The following CHST9 variants were observed in gnomAD, a reference collection of about 807,000 sequenced individuals.
CHST9 encodes the protein GalNAc-4-sulfotransferase 2.
Under a neutral mutation model 44.4 loss-of-function variants are expected in CHST9, and 41 were observed. The ratio of observed to expected loss-of-function variants is 0.92; its 90% CI spans 0.72 to 1.20. The LOEUF (loss-of-function observed/expected upper bound fraction) is 1.20. CHST9 is among the 50% of genes most tolerant of loss of function. CHST9 has a pLI of 0.00. For synonymous variants in CHST9, 171 were observed against 178.4 expected (o/e 0.96, Z 0.33); for missense variants, 504 against 516.5 (o/e 0.98, Z 0.23).
chr18:27,154,331 T>TAAGC (rs759636273), intron 1 of CHST9, among the ~76,000 whole-genome samples: 1 of 152,150 alleles, frequency 6.6e-6, no homozygotes, highest in Non-Finnish European at 1.5e-5. Context: ...AAATATCATT[T>TAAGC]AAGCACATGG....
At chr18:27,106,377 A>G (rs2058221443) in intron 2 of CHST9, among the ~76,000 whole-genome samples, 1 of 152,136 alleles carries the variant, frequency 6.6e-6, no homozygotes, top group Non-Finnish European at 1.5e-5. Flanking sequence ...CTCCATTTGA[A>G]AAGTAGCTCT....
At chr18:27,039,277 A>G (rs934034003) in intron 3 of CHST9, among the ~76,000 whole-genome samples, 4 of 152,200 alleles carry the variant, frequency 2.6e-5, no homozygotes, top group African/African-American at 9.7e-5. Context: ...TCAAGTGCCC[A>G]TTGTTGCATG....
At chr18:26,946,495 C>G (rs2056165110) in intron 4 of CHST9, among the ~76,000 whole-genome samples, 1 of 152,106 alleles carries the variant, frequency 6.6e-6, no homozygotes, top group Non-Finnish European at 1.5e-5. Flanking sequence ...TCAGGTAGAC[C>G]ATTTTTGGGA....
At chr18:27,158,342 A>C (rs1230712693) in intron 1 of CHST9, among the ~76,000 whole-genome samples, 1 of 151,780 alleles carries the variant, frequency 6.6e-6, no homozygotes, top group African/African-American at 2.4e-5. Context: ...CCTATGAGTA[A>C]GAACATGCAG....
intron 5 of CHST9, among the ~76,000 whole-genome samples, chr18:26,922,245 C>T (rs2055670983): frequency 6.6e-6 from 1 of 152,132 alleles, no homozygotes; most frequent in Non-Finnish European, 1.5e-5. Flanking sequence ...CTCCTCCTTT[C>T]TTGGGACGTT....
At chr18:26,938,231 C>T (rs373666424) in intron 5 of CHST9, among the ~76,000 whole-genome samples, 2 of 152,228 alleles carry the variant, frequency 1.3e-5, no homozygotes, top group African/African-American at 2.4e-5. Context: ...AAGCCCAGCA[C>T]TTCGACATTT....
chr18:27,034,460 TAAA>T (rs910835822), intron 3 of CHST9, among the ~76,000 whole-genome samples: 1 of 152,092 alleles, frequency 6.6e-6, no homozygotes, highest in Non-Finnish European at 1.5e-5. Flanking sequence ...TCAGAGAGCT[TAAA>T]AAAAATTTCA....
chr18:26,973,335 A>T (rs939079468), intron 4 of CHST9, among the ~76,000 whole-genome samples: 1 of 152,220 alleles, frequency 6.6e-6, no homozygotes, highest in Non-Finnish European at 1.5e-5. Context: ...AATTAGGCAC[A>T]CAACAAGTGT....
intron 1 of CHST9, among the ~76,000 whole-genome samples, chr18:27,183,216 AAAG>A (rs1179308935): frequency 6.6e-6 from 1 of 152,206 alleles, no homozygotes; most frequent in African/African-American, 2.4e-5. Flanking sequence ...ATTGAAAATA[AAAG>A]AAGCAGAGCT....
At chr18:26,977,947 G>A (rs537635704) in intron 4 of CHST9, among the ~76,000 whole-genome samples, 26 of 152,222 alleles carry the variant, frequency 1.7e-4, no homozygotes, top group African/African-American at 6.0e-4. Context: ...CTCAGCAGGA[G>A]TATAGAAATA....
chr18:27,002,817 G>A (rs1429504052), intron 4 of CHST9, among the ~76,000 whole-genome samples: 2 of 152,136 alleles, frequency 1.3e-5, no homozygotes, highest in African/African-American at 4.8e-5. Flanking sequence ...ATTATGCAAT[G>A]TTAAAGTAAT....
At chr18:27,020,287 T>C (rs1195085189) in intron 4 of CHST9, among the ~76,000 whole-genome samples, 1 of 152,172 alleles carries the variant, frequency 6.6e-6, no homozygotes, top group Non-Finnish European at 1.5e-5. Flanking sequence ...GGGTTGAGGG[T>C]AGTAATGTGC....
intron 4 of CHST9, among the ~76,000 whole-genome samples, chr18:26,966,316 T>C (rs1438040718): frequency 6.6e-6 from 1 of 152,222 alleles, no homozygotes; most frequent in African/African-American, 2.4e-5. Context: ...CTCTTTTAAA[T>C]TCTTAGAAAA....
At chr18:26,973,256 TCAGA>T (rs763475561) in intron 4 of CHST9, among the ~76,000 whole-genome samples, 1 of 152,216 alleles carries the variant, frequency 6.6e-6, no homozygotes, top group Non-Finnish European at 1.5e-5. Context: ...AGCTCCATAA[TCAGA>T]CAGCTGGGAT....
At chr18:27,077,803 A>G (rs1229923260) in intron 2 of CHST9, among the ~76,000 whole-genome samples, 2 of 152,240 alleles carry the variant, frequency 1.3e-5, no homozygotes, top group African/African-American at 4.8e-5. Context: ...TCACACTGCT[A>G]TAAAGACATA....
intron 1 of CHST9, among the ~76,000 whole-genome samples, chr18:27,156,295 C>T (rs1375625217): frequency 6.6e-6 from 1 of 151,898 alleles, no homozygotes; most frequent in African/African-American, 2.4e-5. Flanking sequence ...GTATCCCTCC[C>T]ATTAGTTTGA....
At chr18:27,126,184 C>T (rs2058422171) in intron 2 of CHST9, among the ~76,000 whole-genome samples, 2 of 152,110 alleles carry the variant, frequency 1.3e-5, no homozygotes, top group African/African-American at 2.4e-5. Flanking sequence ...TTCATGGTTA[C>T]GGAAGTTTGG....
chr18:27,072,304 T>G (rs1308690116), intron 2 of CHST9, among the ~76,000 whole-genome samples: 1 of 152,164 alleles, frequency 6.6e-6, no homozygotes, highest in East Asian at 1.9e-4. Flanking sequence ...AAGCTTTCCT[T>G]CTGGCATAAT....
intron 2 of CHST9, among the ~76,000 whole-genome samples, chr18:27,107,147 G>T (rs745592930): frequency 2.7e-4 from 41 of 152,162 alleles, no homozygotes; most frequent in Non-Finnish European, 3.1e-4. Flanking sequence ...ATAGTGAAGT[G>T]GTCTTGAAAG....
Sources: allele counts gnomAD v4.1 joint callset (sites outside exome capture counted in the v4.1 genomes callset), GRCh38; gene constraint gnomAD v4.1.1; transcripts MANE v1.5; gene names NCBI Gene and HGNC (gene_info 2026-07-23, HGNC 2026-07-21).